Variants in PLXNA4 observed in about 807,000 individuals in gnomAD.
The protein encoded by PLXNA4 is plexin A4, also known as plexin-A4.
A neutral mutation model predicts 191.8 loss-of-function variants in PLXNA4; 44 were observed. The observed-to-expected ratio is 0.23, with a 90% CI of 0.18 to 0.29. PLXNA4 has a LOEUF of 0.29. Among genes scored for constraint, PLXNA4 ranks in the 10% least tolerant of loss-of-function variants. The probability of loss-of-function intolerance (pLI) is 1.00; values close to 1 mark genes in which losing one functional copy is unlikely to be tolerated. For missense variants in PLXNA4, 1,800 were observed against 2,488.8 expected (o/e 0.72, Z 5.89); for synonymous variants, 1,082 against 1,009.5 (o/e 1.07, Z -1.36).
chr7:132,152,462 G>A (rs1795674079), intron 25 of PLXNA4, among the ~76,000 whole-genome samples: 1 of 152,204 alleles, frequency 6.6e-6, no homozygotes, highest in Admixed American at 6.5e-5. Flanking sequence ...TTCAGTGTGT[G>A]CTTAGTTTTA....
At chr7:132,633,216 G>A (rs187649557) in intron 2 of PLXNA4, among the ~76,000 whole-genome samples, 1 of 152,136 alleles carries the variant, frequency 6.6e-6, no homozygotes, top group African/African-American at 2.4e-5. Context: ...AAAATTGCCT[G>A]AGACAGAGGA....
intron 9 of PLXNA4, among the ~76,000 whole-genome samples, chr7:132,221,694 T>C (rs569974465): frequency 1.3e-5 from 2 of 152,292 alleles, no homozygotes; most frequent in African/African-American, 4.8e-5. Flanking sequence ...CACTCTTACA[T>C]AAAATCCAAG....
At chr7:132,342,660 C>A (rs1041243279) in intron 3 of PLXNA4, among the ~76,000 whole-genome samples, 2 of 151,988 alleles carry the variant, frequency 1.3e-5, no homozygotes, top group African/African-American at 4.8e-5. Flanking sequence ...AAGATATTTA[C>A]ACGAGGCCAG....
chr7:132,383,464 C>T, intron 3 of PLXNA4: 2 of 669,178 alleles, frequency 3.0e-6, no homozygotes, highest in Non-Finnish European at 3.7e-6. Context: ...CACCTCATCC[C>T]ATTTTCCAAG....
At chr7:132,621,394 A>G (rs768275005) in intron 2 of PLXNA4, among the ~76,000 whole-genome samples, 202 of 151,648 alleles carry the variant, frequency 1.3e-3, no homozygotes, top group Non-Finnish European at 2.3e-3. Context: ...CCAAGTAGCT[A>G]GGACTACAGG....
intron 27 of PLXNA4, 38 bp from the exon 28 acceptor site, chr7:132,146,738 C>T (rs758103371): frequency 6.2e-7 from 1 of 1,609,910 alleles, no homozygotes; most frequent in South Asian, 1.1e-5. Flanking sequence ...ATATGTGAGG[C>T]CACACAGCCT....
chr7:132,404,726 TA>T (rs1794139071), intron 3 of PLXNA4, among the ~76,000 whole-genome samples: 1 of 152,210 alleles, frequency 6.6e-6, no homozygotes, highest in Admixed American at 6.5e-5. Context: ...CGCCACCTCA[TA>T]GGGGTATAGA....
chr7:132,284,279 T>G (rs1485040252), intron 4 of PLXNA4, among the ~76,000 whole-genome samples: 1 of 152,258 alleles, frequency 6.6e-6, no homozygotes, highest in East Asian at 1.9e-4. Context: ...TGCAGAATTT[T>G]TGTTCTAAGA....
chr7:132,334,293 T>A (rs1027318891), intron 3 of PLXNA4, among the ~76,000 whole-genome samples: 3 of 146,326 alleles, frequency 2.1e-5, no homozygotes, highest in Non-Finnish European at 4.5e-5. Flanking sequence ...GGTCTCACTT[T>A]GTTTCCTAGG....
At chr7:132,217,503 A>G (rs758167734) in intron 9 of PLXNA4, among the ~76,000 whole-genome samples, 28 of 152,142 alleles carry the variant, frequency 1.8e-4, no homozygotes, top group Non-Finnish European at 3.1e-4. Context: ...GACCTGGGGA[A>G]GCTAAGGAAG....
At chr7:132,379,931 G>A (rs577790261) in intron 3 of PLXNA4, among the ~76,000 whole-genome samples, 1 of 152,280 alleles carries the variant, frequency 6.6e-6, no homozygotes, top group East Asian at 1.9e-4. Flanking sequence ...ACTAGTCAAA[G>A]GTATGTTCTT....
At chr7:132,561,449 C>A (rs1467976415) in intron 1 of PLXNA4, among the ~76,000 whole-genome samples, 3 of 135,602 alleles carry the variant, frequency 2.2e-5, no homozygotes, top group Non-Finnish European at 4.7e-5. Context: ...TCCTTCTTGT[C>A]CTCCTCCTTC....
chr7:132,579,168 C>A (rs1270663661), upstream of PLXNA4, among the ~76,000 whole-genome samples: 1 of 152,180 alleles, frequency 6.6e-6, no homozygotes, highest in Non-Finnish European at 1.5e-5. Flanking sequence ...GGGTCCATCA[C>A]GGCCCATTTC....
rs377212426 is a variant in PLXNA4 at position 132,259,351 on chromosome 7, A to G, written c.1504-18185T>C. ...CTTGGGAGGCTGAGGCAGGATAATC[A>G]CTTGAACCCAGGAGACAGAGGTTGC... On this transcript the variant is annotated intron_variant, in intron 4 of 31. Coordinates refer to ENST00000321063, the MANE Select transcript of PLXNA4 (RefSeq NM_020911.2). 2.3e-4 allele frequency among the ~76,000 whole-genome samples: 33 copies of G among 143,468 alleles called. No individual in the cohort carries two copies. In the East Asian group the frequency reaches 6.2e-3, roughly 27 times the overall value. 94.1% of individuals were successfully genotyped at this position (143,468 alleles called of 152,430 possible).
At chr7:132,138,688 T>C (rs1795183011) in intron 30 of PLXNA4, among the ~76,000 whole-genome samples, 1 of 152,182 alleles carries the variant, frequency 6.6e-6, no homozygotes, top group African/African-American at 2.4e-5. Context: ...GGATAGGAAA[T>C]GGAAACCATC....
In PLXNA4 at chr7:132,159,757, G is replaced by A. The variant is rs1795893988; in HGVS notation, c.4501-125C>T. On this transcript the variant is annotated intron_variant, in intron 24 of 31. Coordinates refer to ENST00000321063, the MANE Select transcript of PLXNA4 (RefSeq NM_020911.2). ...CCTCTCCAGGATGGGCTAGGGAGGAGTAGGGTGGCTCCAGGCCATCTGTGC... is the reference window on the plus strand; with the variant it reads ...CCTCTCCAGGATGGGCTAGGGAGGAATAGGGTGGCTCCAGGCCATCTGTGC... 1.1e-5 allele frequency: 16 copies of A among 1,483,088 alleles called. No homozygotes were observed. The African/African-American group carries it at 1.3e-4, about 12-fold the overall frequency. The allele number at this position is 1,483,088 out of a possible 1,614,324, so 91.9% of individuals were successfully genotyped here.
intron 4 of PLXNA4, among the ~76,000 whole-genome samples, chr7:132,271,883 A>AAGAAAGAAAACTGT (rs1220880016): frequency 6.6e-6 from 1 of 152,248 alleles, no homozygotes; most frequent in Non-Finnish European, 1.5e-5. Context: ...GGTAAAAGGA[A>AAGAAAGAAAACTGT]AGAAAGAAAA....
chr7:132,124,656 C>T lies in PLXNA4; in HGVS notation c.*5823G>A, dbSNP rs1399143727. Reference sequence around the variant, plus strand: ...TTCCCATGACCCATCCCTCACAGAGCCTCCTTAAAGTTTGAGGAAAGCTGA... The same window carrying T: ...TTCCCATGACCCATCCCTCACAGAGTCTCCTTAAAGTTTGAGGAAAGCTGA... On this transcript the variant is annotated 3_prime_UTR_variant, in exon 32 of 32. Coordinates refer to ENST00000321063, the MANE Select transcript of PLXNA4 (RefSeq NM_020911.2). The T allele has an allele frequency of 6.6e-6, 1 of 152,220 alleles. No individual in the cohort carries two copies. Among genetic ancestry groups the T allele is most frequent in the East Asian group, 1.9e-4 (1 of 5,190 alleles). 9.4% of individuals were successfully genotyped at this position (152,220 alleles called of 1,614,324 possible). A position where few individuals can be genotyped will look rare whatever the true frequency, so the allele number is the denominator to read the frequency against.
In PLXNA4 at chr7:132,202,733, G is replaced by A; in HGVS notation, c.2499C>T (p.Thr833=). The change falls in exon 12 of 32, where the codon ACC becomes ACT. Residue 833 remains threonine, a synonymous_variant. Transcript: ENST00000321063. ...CCTGGGCAGGGCAGTGCTGGCGCAG[G>A]GTGCACTGGCCTGGGCCCTGGCACC... The part of the protein sequence containing the change: ...CGWCQGPGQC[T]LRQHCPAQES... 6.2e-7 allele frequency: 1 copy of A among 1,610,282 alleles called. No homozygotes were observed.
Sources: gnomAD v4.1 joint callset for allele counts (sites outside exome capture counted in the v4.1 genomes callset) on GRCh38, gnomAD v4.1.1 for gene constraint, MANE v1.5 for transcripts, NCBI Gene and HGNC (gene_info 2026-07-23, HGNC 2026-07-21) for gene names.